CERS6: variants seen among roughly 807,000 people sequenced by gnomAD.
CERS6 encodes the protein LAG1 homolog, ceramide synthase 6.
CERS6 carries 26 observed loss-of-function variants against 56.8 expected under a neutral mutation model. The ratio of observed to expected loss-of-function variants is 0.46; its 90% CI spans 0.34 to 0.63. The LOEUF (loss-of-function observed/expected upper bound fraction) is 0.63, where lower values mean the gene tolerates loss of function less well. CERS6 is among the 30% of genes least tolerant of loss of function. The probability of loss-of-function intolerance (pLI) is 0.01; values close to 1 mark genes in which losing one functional copy is unlikely to be tolerated. For missense variants in CERS6, 415 were observed against 467.5 expected (o/e 0.89, Z 1.04); for synonymous variants, 164 against 173.3 (o/e 0.95, Z 0.42).
intron 1 of CERS6, among the ~76,000 whole-genome samples, chr2:168,492,422 A>C (rs773715748): frequency 1.3e-5 from 2 of 152,158 alleles, no homozygotes; most frequent in African/African-American, 4.8e-5. Context: ...TCTTCTTTTG[A>C]GAAGTGTCTG....
intron 3 of CERS6, among the ~76,000 whole-genome samples, chr2:168,578,617 G>A (rs1023619128): frequency 3.9e-5 from 6 of 152,084 alleles, no homozygotes; most frequent in African/African-American, 1.4e-4. Context: ...ATAAAAATAA[G>A]AGAGAAAGGA....
chr2:168,471,639 G>T (rs1423943354), intron 1 of CERS6, among the ~76,000 whole-genome samples: 4 of 152,186 alleles, frequency 2.6e-5, no homozygotes. Context: ...AGCAGAACCA[G>T]ACCTGGGTAG....
At chr2:168,728,039 G>A (rs1159283817) in intron 8 of CERS6, among the ~76,000 whole-genome samples, 2 of 152,222 alleles carry the variant, frequency 1.3e-5, no homozygotes, top group African/African-American at 4.8e-5. Flanking sequence ...CTAGACCAGA[G>A]GTCCACAAAG....
intron 6 of CERS6, among the ~76,000 whole-genome samples, chr2:168,704,405 G>T (rs936638116): frequency 5.9e-5 from 9 of 152,176 alleles, no homozygotes; most frequent in African/African-American, 2.2e-4. Context: ...TTCTCATGGG[G>T]AGTTTCTCTC....
intron 4 of CERS6, among the ~76,000 whole-genome samples, chr2:168,654,658 T>C (rs572034732): frequency 6.6e-6 from 1 of 152,354 alleles, no homozygotes; most frequent in Admixed American, 6.5e-5. Context: ...GCCACACCAG[T>C]GCAAAACCTG....
At chr2:168,490,398 C>G (rs1421701667) in intron 1 of CERS6, among the ~76,000 whole-genome samples, 1 of 151,874 alleles carries the variant, frequency 6.6e-6, no homozygotes, top group Non-Finnish European at 1.5e-5. Flanking sequence ...TAGTGGGGCT[C>G]TGTGACTGGG....
At chr2:168,593,717 A>G (rs1322579700) in intron 3 of CERS6, among the ~76,000 whole-genome samples, 1 of 152,232 alleles carries the variant, frequency 6.6e-6, no homozygotes, top group Non-Finnish European at 1.5e-5. Context: ...AAAACTTTAT[A>G]AAACGTCTTA....
intron 3 of CERS6, among the ~76,000 whole-genome samples, chr2:168,578,457 A>G (rs1683331154): frequency 6.6e-6 from 1 of 152,322 alleles, no homozygotes; most frequent in African/African-American, 2.4e-5. Flanking sequence ...ATTCTGTGCC[A>G]CATACTGAAG....
At chr2:168,576,616 T>A (rs989272974) in intron 3 of CERS6, among the ~76,000 whole-genome samples, 11 of 152,192 alleles carry the variant, frequency 7.2e-5, no homozygotes, top group Non-Finnish European at 1.6e-4. Context: ...TATAGAGAAG[T>A]TTGAAGAATA....
chr2:168,666,529 T>A (rs1685766442), intron 4 of CERS6, among the ~76,000 whole-genome samples: 1 of 152,228 alleles, frequency 6.6e-6, no homozygotes, highest in South Asian at 2.1e-4. Context: ...TCATATTCCA[T>A]TGTGTGTATA....
intron 4 of CERS6, among the ~76,000 whole-genome samples, chr2:168,656,338 T>C (rs1255354499): frequency 1.3e-5 from 2 of 152,194 alleles, no homozygotes; most frequent in African/African-American, 2.4e-5. Flanking sequence ...GTATGTGATA[T>C]TGTGTCCGGA....
At chr2:168,728,908 T>C (rs1683432410) in intron 8 of CERS6, among the ~76,000 whole-genome samples, 1 of 148,612 alleles carries the variant, frequency 6.7e-6, no homozygotes, top group Non-Finnish European at 1.5e-5. Context: ...CTCGGGAGGC[T>C]GAGGCAGGAT....
chr2:168,613,504 G>A (rs1160816551), intron 3 of CERS6, among the ~76,000 whole-genome samples: 1 of 152,206 alleles, frequency 6.6e-6, no homozygotes, highest in Non-Finnish European at 1.5e-5. Context: ...ATGGCCAGTT[G>A]TGTCAAATAT....
rs954603476 is a variant in CERS6 at position 168,496,888 on chromosome 2, A to G, written c.170+40270A>G. On this transcript the variant is annotated intron_variant, in intron 1 of 9. Transcript: ENST00000305747. ...AAGCAGAGTTTGATGTACCTAGTCT[A>G]ACATTTTTCTGACAATTTGCAGCCA... 2.6e-5 allele frequency among the ~76,000 whole-genome samples: 4 copies of G among 152,196 alleles called. 1 individual carries two copies. Among genetic ancestry groups the G allele is most frequent in the Non-Finnish European group, 4.4e-5 (3 of 68,036 alleles).
rs529719486 is a variant in CERS6 at position 168,544,599 on chromosome 2, G to T, written c.171-2997G>T. On this transcript the variant is annotated intron_variant, in intron 1 of 9. Coordinates refer to ENST00000305747, the MANE Select transcript of CERS6 (RefSeq NM_203463.3). ...TTGGATAGGGGAGCTGGAAAGGTTT[G>T]GGCCCTTAGAGAAGGCCAGGTGTGG... Among the ~76,000 whole-genome samples the T allele has an allele frequency of 2.0e-5, 3 of 152,242 alleles. No homozygotes were observed. In the East Asian group the frequency reaches 5.8e-4, roughly 29 times the overall value.
At chr2:168,479,696 C>T (rs995226387) in intron 1 of CERS6, among the ~76,000 whole-genome samples, 22 of 152,156 alleles carry the variant, frequency 1.4e-4, no homozygotes, top group African/African-American at 3.1e-4. Flanking sequence ...GCAACCTCCT[C>T]CTCCTGTGTT....
chr2:168,575,218 A>T (rs1683231265), intron 3 of CERS6, among the ~76,000 whole-genome samples: 2 of 152,212 alleles, frequency 1.3e-5, no homozygotes, highest in Non-Finnish European at 2.9e-5. Context: ...CAAAACACAT[A>T]GAGCACTGGT....
At chr2:168,532,320 T>G (rs992399833) in intron 1 of CERS6, among the ~76,000 whole-genome samples, 3 of 152,158 alleles carry the variant, frequency 2.0e-5, no homozygotes, top group Non-Finnish European at 4.4e-5. Context: ...AGTTCTGTGG[T>G]GTCTCCAGGC....
intron 3 of CERS6, among the ~76,000 whole-genome samples, chr2:168,580,787 A>G (rs1683389586): frequency 6.6e-6 from 1 of 152,034 alleles, no homozygotes; most frequent in South Asian, 2.1e-4. Context: ...CTAGTCTAGC[A>G]GTTATTTCCT....
Sources: allele counts gnomAD v4.1 joint callset (sites outside exome capture counted in the v4.1 genomes callset), GRCh38; gene constraint gnomAD v4.1.1; transcripts MANE v1.5; gene names NCBI Gene and HGNC (gene_info 2026-07-23, HGNC 2026-07-21).